The following GPR155 variants were observed in gnomAD, a reference collection of about 807,000 sequenced individuals.
GPR155 encodes the protein G protein-coupled receptor 155.
GPR155 carries 65 observed loss-of-function variants against 93.1 expected under a neutral mutation model. The ratio of observed to expected loss-of-function variants is 0.70; its 90% CI spans 0.57 to 0.86. The LOEUF (loss-of-function observed/expected upper bound fraction) is 0.86, where lower values mean the gene tolerates loss of function less well. Among genes scored for constraint, GPR155 ranks in the 40% least tolerant of loss-of-function variants. GPR155 has a pLI of 0.00. For synonymous variants in GPR155, 319 were observed against 360.1 expected (o/e 0.89, Z 1.29); for missense variants, 838 against 1,034.8 (o/e 0.81, Z 2.61).
chr2:174,449,392 G>GA (rs983157497), intron 11 of GPR155, among the ~76,000 whole-genome samples: 7 of 151,850 alleles, frequency 4.6e-5, no homozygotes, highest in South Asian at 2.1e-4. Context: ...ATATCCAAAA[G>GA]AAAAAAAATG....
At chr2:174,469,347 A>ACTATTATCT (rs1687929217) in intron 4 of GPR155, among the ~76,000 whole-genome samples, 1 of 152,222 alleles carries the variant, frequency 6.6e-6, no homozygotes, top group Admixed American at 6.5e-5. Flanking sequence ...TTATCCTCTA[A>ACTATTATCT]GTTCTAGAAA....
chr2:174,454,969 T>C (rs1349664625), intron 10 of GPR155, among the ~76,000 whole-genome samples: 1 of 152,060 alleles, frequency 6.6e-6, no homozygotes, highest in Non-Finnish European at 1.5e-5. Context: ...AGGTACAAAG[T>C]TACATTAGAA....
intron 7 of GPR155, among the ~76,000 whole-genome samples, chr2:174,463,011 T>C (rs1687744417): frequency 6.6e-6 from 1 of 152,176 alleles, no homozygotes; most frequent in Non-Finnish European, 1.5e-5. Flanking sequence ...GCTAAATTCT[T>C]TGTTTCTTGA....
intron 2 of GPR155, among the ~76,000 whole-genome samples, chr2:174,477,811 G>A (rs1688210315): frequency 6.6e-6 from 1 of 152,156 alleles, no homozygotes; most frequent in Admixed American, 6.5e-5. Flanking sequence ...GGAGGGCAGG[G>A]AGAATCCCAT....
intron 7 of GPR155, among the ~76,000 whole-genome samples, chr2:174,462,445 G>A (rs773522294): frequency 1.3e-5 from 2 of 152,090 alleles, no homozygotes; most frequent in Non-Finnish European, 2.9e-5. Context: ...CAAGTAGCTG[G>A]GATTACAGGT....
intron 10 of GPR155, among the ~76,000 whole-genome samples, chr2:174,458,844 T>C (rs991646628): frequency 3.9e-5 from 6 of 152,078 alleles, no homozygotes; most frequent in East Asian, 1.9e-4. Flanking sequence ...TCCCAGCACA[T>C]TGGGAGGCCG....
chr2:174,432,018 A>G lies in GPR155; in HGVS notation c.*4098T>C, dbSNP rs930610970. 7.2e-5 allele frequency: 11 copies of G among 152,324 alleles called. No individual in the cohort carries two copies. The highest frequency in any genetic ancestry group is 2.6e-4 in the African/African-American group (11 of 41,584). The allele number at this position is 152,324 out of a possible 1,614,324, so 9.4% of individuals were successfully genotyped here. A position where few individuals can be genotyped will look rare whatever the true frequency, so the allele number is the denominator to read the frequency against. ...CATTTTTCTAGCTGTCACTCTACATATTGGAAATGATGAAATGTATGAAAA... is the reference window on the plus strand; with the variant it reads ...CATTTTTCTAGCTGTCACTCTACATGTTGGAAATGATGAAATGTATGAAAA... On this transcript the variant is annotated 3_prime_UTR_variant, in exon 16 of 16. Coordinates refer to ENST00000392552, the MANE Select transcript of GPR155 (RefSeq NM_152529.7).
chr2:174,452,034 G>A (rs1275977985), intron 11 of GPR155, among the ~76,000 whole-genome samples: 1 of 152,144 alleles, frequency 6.6e-6, no homozygotes, highest in Non-Finnish European at 1.5e-5. Context: ...TGCCAAATCA[G>A]ATTACATGTT....
chr2:174,466,813 C>T (rs1687851686), intron 5 of GPR155, among the ~76,000 whole-genome samples, 186 bp from the exon 6 acceptor site: 1 of 152,098 alleles, frequency 6.6e-6, no homozygotes, highest in South Asian at 2.1e-4. Context: ...AAATAACAAG[C>T]ATGGAGAGAT....
intron 2 of GPR155, among the ~76,000 whole-genome samples, chr2:174,479,653 A>G (rs998223062): frequency 2.6e-5 from 4 of 152,172 alleles, no homozygotes; most frequent in Admixed American, 6.5e-5. Flanking sequence ...GCATGAAACT[A>G]TATACTTCTA....
chr2:174,486,359 T>C (rs2105748267), intron 1 of GPR155, among the ~76,000 whole-genome samples: 1 of 151,936 alleles, frequency 6.6e-6, no homozygotes, highest in East Asian at 1.9e-4. Context: ...AAGGCAGCTG[T>C]GGAAGTGGAA....
At chr2:174,444,934 A>T in intron 13 of GPR155, 147 bp downstream of exon 13, 1 of 604,052 alleles carries the variant, frequency 1.7e-6, no homozygotes, top group Middle Eastern at 2.6e-4. Flanking sequence ...GTCAGCTGCC[A>T]TGCATACCAG....
At chr2:174,459,024 G>C (rs549725668) in intron 10 of GPR155, among the ~76,000 whole-genome samples, 1 of 152,208 alleles carries the variant, frequency 6.6e-6, no homozygotes, top group Admixed American at 6.5e-5. Context: ...GGAGGTAGAG[G>C]TTACGGTGAG....
At position 174,460,154 on chromosome 2, in the gene GPR155, A is replaced by ATTT. The variant is rs11385015; in HGVS notation, c.1561-69_1561-67dup. The ATTT allele has an allele frequency of 4.8e-3, 1,900 of 398,834 alleles. 55 individuals are homozygous for ATTT. The highest frequency in any genetic ancestry group is 0.027 in the African/African-American group (735 of 27,560). The allele number at this position is 398,834 out of a possible 1,614,324, so 24.7% of individuals were successfully genotyped here. Reference sequence around the variant, plus strand: ...CTTCATCTTGATAATCTTAGGGCACATTTTTTTTTTTTTTTTTTTTTTTTG... The same window carrying ATTT: ...CTTCATCTTGATAATCTTAGGGCACATTTTTTTTTTTTTTTTTTTTTTTTTTTG... On this transcript the variant is annotated intron_variant, in intron 9 of 15. Transcript: ENST00000392552.
intron 12 of GPR155, 97 bp downstream of exon 12, chr2:174,446,514 G>A: frequency 8.8e-7 from 1 of 1,142,418 alleles, no homozygotes; most frequent in African/African-American, 1.6e-5. Flanking sequence ...CCACACTTCT[G>A]GAAAGCAGCA....
Position 174,437,518 on chromosome 2 carries a change from A to G in GPR155, c.2313-1102T>C, listed in dbSNP as rs1175790825. Among the ~76,000 whole-genome samples the G allele has an allele frequency of 2.7e-5, 4 of 149,898 alleles. No individual in the cohort carries two copies. The East Asian group carries it at 7.9e-4, about 30-fold the overall frequency. ...CACCACATTCGACAAAAGCCTGGAT[A>G]TTATACTCTGTGTTAGCCTTCTTTT... is the stretch of plus-strand genomic sequence containing the variant. On this transcript the variant is annotated intron_variant, in intron 15 of 15. Transcript: ENST00000392552.
intron 14 of GPR155, among the ~76,000 whole-genome samples, chr2:174,440,937 AAAGG>A (rs1686940612): frequency 6.6e-6 from 1 of 152,230 alleles, no homozygotes; most frequent in African/African-American, 2.4e-5. Context: ...TTGTGTTGTC[AAAGG>A]AGACAGACAA....
rs1686734731 is a variant in GPR155 at position 174,435,004 on chromosome 2, A to G, written c.*1112T>C. ...AGAACCTCTTATTAGAATCATTAAA[A>G]TTCTTTTTCAAGAGATGCTATCAAA... On this transcript the variant is annotated 3_prime_UTR_variant, in exon 16 of 16. Transcript: ENST00000392552. 1 of 152,150 alleles carries G rather than the reference A, an allele frequency of 6.6e-6. No homozygotes were observed. Among genetic ancestry groups the G allele is most frequent in the Non-Finnish European group, 1.5e-5 (1 of 68,034 alleles). The allele number at this position is 152,150 out of a possible 1,614,324, so 9.4% of individuals were successfully genotyped here.
intron 11 of GPR155, among the ~76,000 whole-genome samples, chr2:174,449,666 G>A (rs1032217953): frequency 3.9e-5 from 6 of 152,016 alleles, no homozygotes; most frequent in African/African-American, 7.2e-5. Flanking sequence ...GCAACATGGC[G>A]AAACCCTGTC....
Sources: allele counts gnomAD v4.1 joint callset (sites outside exome capture counted in the v4.1 genomes callset), GRCh38; gene constraint gnomAD v4.1.1; transcripts MANE v1.5; gene names NCBI Gene and HGNC (gene_info 2026-07-23, HGNC 2026-07-21).